Variants in SDC3 observed in about 807,000 individuals in gnomAD.
SDC3 encodes syndecan 3.
A neutral mutation model predicts 24.4 loss-of-function variants in SDC3; 13 were observed. That is an observed-to-expected ratio of 0.53 (90% CI 0.35 to 0.85). The LOEUF (loss-of-function observed/expected upper bound fraction) is 0.85. SDC3 is among the 40% of genes least tolerant of loss of function. The pLI is 0.01. For missense variants in SDC3, 571 were observed against 584.5 expected (o/e 0.98, Z 0.24); for synonymous variants, 295 against 260.9 (o/e 1.13, Z -1.26).
chr1:30,870,901 G>A lies in SDC3; in HGVS notation c.*2310C>T, dbSNP rs1406088582. On this transcript the variant is annotated 3_prime_UTR_variant, in exon 5 of 5. Coordinates refer to ENST00000339394, the MANE Select transcript of SDC3 (RefSeq NM_014654.4). ...TGGTTTCTCAGCCTCGGCCTGCCCA[G>A]GCCGTCTCACCAGAGCTGTGCTCTC... 1 of 152,516 alleles carries A rather than the reference G, an allele frequency of 6.6e-6. No individual in the cohort carries two copies. Among genetic ancestry groups the A allele is most frequent in the African/African-American group, 2.4e-5 (1 of 41,448 alleles). 9.4% of individuals were successfully genotyped at this position (152,516 alleles called of 1,614,324 possible).
chr1:30,883,024 A>C (rs1486448455), intron 1 of SDC3, among the ~76,000 whole-genome samples: 1 of 152,116 alleles, frequency 6.6e-6, no homozygotes, highest in Non-Finnish European at 1.5e-5. Flanking sequence ...TTTATGTTAA[A>C]ATTTCTATTA....
chr1:30,896,440 G>C (rs1206825629), intron 1 of SDC3, among the ~76,000 whole-genome samples: 1 of 152,154 alleles, frequency 6.6e-6, no homozygotes, highest in African/African-American at 2.4e-5. Context: ...CTAGAAGAGG[G>C]AGGCAGGAGT....
At chr1:30,896,127 G>C (rs1639995368) in intron 1 of SDC3, among the ~76,000 whole-genome samples, 1 of 152,218 alleles carries the variant, frequency 6.6e-6, no homozygotes, top group Non-Finnish European at 1.5e-5. Context: ...GCTGGGGGCT[G>C]GGGAGAAAGG....
chr1:30,909,376 C>A (rs576599961), upstream of SDC3, among the ~76,000 whole-genome samples: 3 of 152,302 alleles, frequency 2.0e-5, no homozygotes, highest in African/African-American at 7.2e-5. Context: ...GAGGAAAAGC[C>A]ACGCAGACCT....
At chr1:30,886,278 G>C (rs1221172673) in intron 1 of SDC3, among the ~76,000 whole-genome samples, 1 of 152,098 alleles carries the variant, frequency 6.6e-6, no homozygotes, top group Non-Finnish European at 1.5e-5. Flanking sequence ...AGCTCCTACT[G>C]TGTGCCAAGC....
At position 30,897,080 on chromosome 1, in the gene SDC3, G is replaced by A. The variant is rs558429028; in HGVS notation, c.138+11369C>T. Among the ~76,000 whole-genome samples, 133 of 152,322 alleles carry A rather than the reference G, an allele frequency of 8.7e-4. 1 individual carries two copies. The highest frequency in any genetic ancestry group is 1.5e-3 in the Non-Finnish European group (99 of 68,028). ...TATTGGGCATATATGGGCAGCTGGGGTGGTCAAGGAAGGCTTCCTGGAAGA... is the reference window on the plus strand; with the variant it reads ...TATTGGGCATATATGGGCAGCTGGGATGGTCAAGGAAGGCTTCCTGGAAGA... On this transcript the variant is annotated intron_variant, in intron 1 of 4. Coordinates refer to ENST00000339394, the MANE Select transcript of SDC3 (RefSeq NM_014654.4).
intron 1 of SDC3, among the ~76,000 whole-genome samples, chr1:30,895,857 G>A (rs1639991626): frequency 1.3e-5 from 2 of 151,406 alleles, no homozygotes; most frequent in Non-Finnish European, 2.9e-5. Context: ...AGAGGAGGAG[G>A]GTGGGAGGAG....
Position 30,869,896 on chromosome 1 carries a change from A to G in SDC3, c.*3315T>C. ...TACATGCATTTGCCACGCTGAGGCC[A>G]GGGTCACTGTGGTGCCAGGCAGGCA... is the stretch of plus-strand genomic sequence containing the variant. On this transcript the variant is annotated 3_prime_UTR_variant, in exon 5 of 5. Coordinates refer to ENST00000339394, the MANE Select transcript of SDC3 (RefSeq NM_014654.4). 2.5e-6 allele frequency: 1 copy of G among 398,640 alleles called. No individual in the cohort carries two copies. Among genetic ancestry groups the G allele is most frequent in the Non-Finnish European group, 4.4e-6 (1 of 226,084 alleles). 24.7% of individuals were successfully genotyped at this position (398,640 alleles called of 1,614,324 possible).
intron 1 of SDC3, among the ~76,000 whole-genome samples, chr1:30,905,022 T>C (rs1638489587): frequency 6.6e-6 from 1 of 152,160 alleles, no homozygotes; most frequent in African/African-American, 2.4e-5. Context: ...CCCTGGTACC[T>C]TGGGAGCTAA....
At chr1:30,899,352 T>A (rs1638358795) in intron 1 of SDC3, among the ~76,000 whole-genome samples, 1 of 152,258 alleles carries the variant, frequency 6.6e-6, no homozygotes, top group Non-Finnish European at 1.5e-5. Context: ...CCCAAAGTGT[T>A]GGGATTACAG....
chr1:30,900,812 G>C (rs932029312), intron 1 of SDC3, among the ~76,000 whole-genome samples: 4 of 152,142 alleles, frequency 2.6e-5, no homozygotes, highest in Non-Finnish European at 5.9e-5. Context: ...GCAGGGATGG[G>C]GGAGGGCAGG....
At chr1:30,897,266 AC>A (rs1450662935) in intron 1 of SDC3, among the ~76,000 whole-genome samples, 4 of 152,170 alleles carry the variant, frequency 2.6e-5, no homozygotes, top group African/African-American at 9.7e-5. Context: ...AAATCATTGC[AC>A]TTCTCTGATC....
At chr1:30,895,084 G>A (rs1639981675) in intron 1 of SDC3, among the ~76,000 whole-genome samples, 1 of 152,076 alleles carries the variant, frequency 6.6e-6, no homozygotes, top group South Asian at 2.1e-4. Context: ...CAGTGTTGCG[G>A]GTAAGCCCCT....
rs779505404 is a variant in SDC3, at chr1:30,876,717, C to G, written c.705G>C (p.Thr235=). 2 of 1,595,974 alleles carry G rather than the reference C, an allele frequency of 1.3e-6. No homozygotes were observed. Among genetic ancestry groups the G allele is most frequent in the African/African-American group, 2.7e-5 (2 of 74,468 alleles). Residue 235 remains threonine (T), a synonymous_variant, in exon 3 of 5, where the codon ACG becomes ACC. Coordinates refer to ENST00000339394, the MANE Select transcript of SDC3 (RefSeq NM_014654.4). ...GGGCCTCGGTGTCCAAGACAGCCGC[C>G]GTGGTGGGCGGGGAGGGCGCCTCGG... ...TTPEAPSPPT[T]AAVLDTEAPT...
At chr1:30,874,610 C>G in intron 3 of SDC3, 22 bp from the exon 4 acceptor site, 1 of 1,607,328 alleles carries the variant, frequency 6.2e-7, no homozygotes, top group Non-Finnish European at 8.5e-7. Flanking sequence ...GTGGCATGAG[C>G]CCAGGACAAC....
intron 1 of SDC3, among the ~76,000 whole-genome samples, chr1:30,900,330 GTCA>G (rs1352340041): frequency 2.6e-5 from 4 of 152,064 alleles, no homozygotes; most frequent in Non-Finnish European, 5.9e-5. Flanking sequence ...CATCTTCCTC[GTCA>G]TCATCTGTGC....
Position 30,874,433 on chromosome 1 carries a change from C to T in SDC3, c.1026G>A (p.Lys342=). The change falls in exon 4 of 5, where the codon AAG becomes AAA. Residue 342 remains lysine (K), a synonymous_variant. Coordinates refer to ENST00000339394, the MANE Select transcript of SDC3 (RefSeq NM_014654.4). The part of the protein sequence containing the change: ...EVVAVGGAAA[K]ASSPPGTLPK... The stretch of plus-strand genomic sequence containing the variant: ...GCAGTGTCCCAGGTGGAGATGATGC[C>T]TTGGCCGCAGCCCCTCCCACAGCTA... 1 of 1,614,238 alleles carries T rather than the reference C, an allele frequency of 6.2e-7. No homozygotes were observed. The highest frequency in any genetic ancestry group is 8.5e-7 in the Non-Finnish European group (1 of 1,180,038).
intron 1 of SDC3, among the ~76,000 whole-genome samples, chr1:30,900,349 T>C (rs1638388301): frequency 6.6e-6 from 1 of 152,200 alleles, no homozygotes; most frequent in South Asian, 2.1e-4. Flanking sequence ...TGTGCTTGTG[T>C]CTGTCTCCCT....
intron 1 of SDC3, chr1:30,880,543 A>T (rs914727614): frequency 6.6e-6 from 1 of 152,202 alleles, no homozygotes; most frequent in Non-Finnish European, 1.5e-5. Flanking sequence ...CCGAACAGCA[A>T]GCATCCCCAA....
Sources: gnomAD v4.1 joint callset for allele counts (sites outside exome capture counted in the v4.1 genomes callset) on GRCh38, gnomAD v4.1.1 for gene constraint, MANE v1.5 for transcripts, NCBI Gene and HGNC (gene_info 2026-07-23, HGNC 2026-07-21) for gene names.